SPOCK3: variants seen among roughly 807,000 people sequenced by gnomAD.
The protein encoded by SPOCK3 is testican-3.
A neutral mutation model predicts 56.6 loss-of-function variants in SPOCK3; 30 were observed. The observed-to-expected ratio is 0.53, with a 90% CI of 0.40 to 0.72. SPOCK3 has a LOEUF of 0.72. Ranked by LOEUF, SPOCK3 falls within the 30% of genes least tolerant of loss-of-function variation. The pLI, the probability that SPOCK3 is intolerant of heterozygous loss-of-function variation, is 0.00. For missense variants in SPOCK3, 527 were observed against 530.0 expected (o/e 0.99, Z 0.06); for synonymous variants, 196 against 183.3 (o/e 1.07, Z -0.56).
intron 4 of SPOCK3, among the ~76,000 whole-genome samples, chr4:166,982,013 G>A (rs899951529): frequency 2.0e-5 from 3 of 152,332 alleles, no homozygotes; most frequent in Middle Eastern, 3.4e-3. Flanking sequence ...GGAACAGGGG[G>A]GATCCTGGGT....
In SPOCK3 at chr4:166,733,847, T is replaced by C. The variant is rs1032715468; in HGVS notation, c.*1074A>G. On this transcript the variant is annotated 3_prime_UTR_variant, in exon 11 of 11. Transcript: ENST00000357545. ...TTTTCTTCATTCCAGCAGCAATACCTTTACTGATATTAATCTGTTAATTAG... is the reference window on the plus strand; with the variant it reads ...TTTTCTTCATTCCAGCAGCAATACCCTTACTGATATTAATCTGTTAATTAG... 2.0e-5 allele frequency: 3 copies of C among 152,268 alleles called. No homozygotes were observed. The highest frequency in any genetic ancestry group is 7.2e-5 in the African/African-American group (3 of 41,442). The allele number at this position is 152,268 out of a possible 1,614,324, so 9.4% of individuals were successfully genotyped here. A position where few individuals can be genotyped will look rare whatever the true frequency, so the allele number is the denominator to read the frequency against.
chr4:167,009,687 A>G (rs1749833080), intron 3 of SPOCK3, among the ~76,000 whole-genome samples: 1 of 152,126 alleles, frequency 6.6e-6, no homozygotes, highest in South Asian at 2.1e-4. Flanking sequence ...ACACACACAA[A>G]ATTGCAAACC....
chr4:167,132,456 T>C (rs1337493140), intron 2 of SPOCK3, among the ~76,000 whole-genome samples: 1 of 152,248 alleles, frequency 6.6e-6, no homozygotes, highest in Admixed American at 6.5e-5. Context: ...TTTAAGATTA[T>C]ACAGTTACAG....
intron 3 of SPOCK3, among the ~76,000 whole-genome samples, chr4:167,037,255 G>A (rs11132845): frequency 0.12 from 18,736 of 152,066 alleles, 1,375 homozygotes; most frequent in African/African-American, 0.21. Flanking sequence ...AGGCCGAGAC[G>A]GGTGAATCAC....
chr4:166,923,246 A>G (rs994047535), intron 4 of SPOCK3, among the ~76,000 whole-genome samples: 6 of 152,224 alleles, frequency 3.9e-5, no homozygotes, highest in African/African-American at 1.4e-4. Flanking sequence ...TTATAAGGAT[A>G]CATGTGATTA....
intron 8 of SPOCK3, among the ~76,000 whole-genome samples, chr4:166,752,507 G>A (rs1034955922): frequency 1.1e-4 from 17 of 151,334 alleles, no homozygotes; most frequent in African/African-American, 4.1e-4. Flanking sequence ...TTTTGAGAGC[G>A]AGAGCTCTAT....
At chr4:166,874,460 A>T (rs1429018705) in intron 6 of SPOCK3, among the ~76,000 whole-genome samples, 1 of 152,208 alleles carries the variant, frequency 6.6e-6, no homozygotes, top group East Asian at 1.9e-4. Flanking sequence ...GATTATTTAT[A>T]TAACGTGCTA....
intron 4 of SPOCK3, among the ~76,000 whole-genome samples, chr4:166,936,708 G>T (rs1489796854): frequency 1.3e-5 from 2 of 151,934 alleles, no homozygotes; most frequent in African/African-American, 2.4e-5. Flanking sequence ...TTTGATTAAT[G>T]ATTTATCTTA....
intron 2 of SPOCK3, among the ~76,000 whole-genome samples, chr4:167,232,870 C>G (rs1737320160): frequency 6.6e-6 from 1 of 152,134 alleles, no homozygotes; most frequent in Non-Finnish European, 1.5e-5. Context: ...TTAGAGGAGG[C>G]AGGATGAAAG....
chr4:166,992,397 TAAAC>T (rs912464892), intron 4 of SPOCK3, among the ~76,000 whole-genome samples: 9 of 152,310 alleles, frequency 5.9e-5, no homozygotes, highest in African/African-American at 2.2e-4. Flanking sequence ...ATGTAGCTAA[TAAAC>T]AATCATAGTT....
chr4:167,057,383 G>T (rs1254494507), intron 3 of SPOCK3, among the ~76,000 whole-genome samples: 1 of 152,102 alleles, frequency 6.6e-6, no homozygotes, highest in Non-Finnish European at 1.5e-5. Flanking sequence ...ATCAACTAAC[G>T]AGCAAAATAA....
intron 2 of SPOCK3, among the ~76,000 whole-genome samples, chr4:167,190,694 TGTCAAGGA>T (rs924895346): frequency 1.4e-5 from 2 of 145,872 alleles, no homozygotes; most frequent in Non-Finnish European, 1.5e-5. Flanking sequence ...CCAAAACAAA[TGTCAAGGA>T]GCCTTGTTCA....
intron 6 of SPOCK3, among the ~76,000 whole-genome samples, chr4:166,874,667 T>A (rs1732891784): frequency 6.6e-6 from 1 of 152,164 alleles, no homozygotes; most frequent in South Asian, 2.1e-4. Context: ...AATACAGGAA[T>A]CAAGTGACTC....
chr4:167,040,431 T>C (rs1400645608), intron 3 of SPOCK3, among the ~76,000 whole-genome samples: 1 of 152,188 alleles, frequency 6.6e-6, no homozygotes. Context: ...AAGTTGGAAA[T>C]AGCAAGCCTC....
At chr4:167,027,948 G>T (rs1392240517) in intron 3 of SPOCK3, among the ~76,000 whole-genome samples, 1 of 151,974 alleles carries the variant, frequency 6.6e-6, no homozygotes, top group Non-Finnish European at 1.5e-5. Context: ...TTCTTCAATG[G>T]AACAGTTGGG....
intron 4 of SPOCK3, among the ~76,000 whole-genome samples, chr4:166,955,247 T>C (rs1579791227): frequency 6.6e-6 from 1 of 151,682 alleles, no homozygotes; most frequent in Non-Finnish European, 1.5e-5. Context: ...TTAAAGAATA[T>C]TGTATTGTCA....
At chr4:167,069,588 T>C (rs1411757354) in intron 2 of SPOCK3, among the ~76,000 whole-genome samples, 4 of 151,012 alleles carry the variant, frequency 2.6e-5, no homozygotes, top group African/African-American at 9.8e-5. Context: ...AATTAGTCAA[T>C]GGTTAAGATG....
intron 4 of SPOCK3, among the ~76,000 whole-genome samples, chr4:166,996,334 T>C (rs1320622323): frequency 6.6e-6 from 1 of 152,170 alleles, no homozygotes; most frequent in African/African-American, 2.4e-5. Context: ...CCAGCAACAC[T>C]GATCTAGAAA....
chr4:166,988,816 A>T (rs1025018040), intron 4 of SPOCK3, among the ~76,000 whole-genome samples: 11 of 152,128 alleles, frequency 7.2e-5, no homozygotes, highest in Admixed American at 7.2e-4. Context: ...ATAAATTAAT[A>T]CATGTAAAAT....
Sources: gnomAD v4.1 joint callset for allele counts (sites outside exome capture counted in the v4.1 genomes callset) on GRCh38, gnomAD v4.1.1 for gene constraint, MANE v1.5 for transcripts, NCBI Gene and HGNC (gene_info 2026-07-23, HGNC 2026-07-21) for gene names.